ATXN3: variants seen among roughly 807,000 people sequenced by gnomAD.
ATXN3 encodes the protein ataxin-3.
A neutral mutation model predicts 58.2 loss-of-function variants in ATXN3; 28 were observed. The ratio of observed to expected loss-of-function variants is 0.48; its 90% CI spans 0.36 to 0.66. The LOEUF (loss-of-function observed/expected upper bound fraction) is 0.66. Among genes scored for constraint, ATXN3 ranks in the 30% least tolerant of loss-of-function variants. The pLI is 0.00. For synonymous variants in ATXN3, 113 were observed against 138.5 expected (o/e 0.82, Z 1.29); for missense variants, 321 against 422.1 (o/e 0.76, Z 2.10).
intron 1 of ATXN3, among the ~76,000 whole-genome samples, chr14:92,103,520 C>T (rs139337731): frequency 2.7e-4 from 41 of 152,228 alleles, no homozygotes; most frequent in African/African-American, 8.4e-4. Flanking sequence ...ACTACAGCCT[C>T]GACCTCCCAG....
intron 9 of ATXN3, among the ~76,000 whole-genome samples, chr14:92,076,725 A>G (rs929287224): frequency 5.3e-5 from 8 of 152,106 alleles, no homozygotes; most frequent in Admixed American, 3.9e-4. Flanking sequence ...AGATTGCCTG[A>G]GCTCAGGAGT....
chr14:92,097,400 G>T (rs1370051063), intron 1 of ATXN3, among the ~76,000 whole-genome samples: 9 of 150,242 alleles, frequency 6.0e-5, no homozygotes, highest in Non-Finnish European at 7.4e-5. Context: ...GCTAATTTTT[G>T]TATTTTTAGT....
chr14:92,076,939 C>CAAAAAAA (rs1157708694), intron 9 of ATXN3, among the ~76,000 whole-genome samples: 2,617 of 59,512 alleles, frequency 0.044, 238 homozygotes, highest in African/African-American at 0.12. Context: ...GATTTCGTCT[C>CAAAAAAA]AAAAAAAAAA....
chr14:92,094,732 C>T (rs1166937791), intron 3 of ATXN3, among the ~76,000 whole-genome samples: 1 of 152,200 alleles, frequency 6.6e-6, no homozygotes, highest in African/African-American at 2.4e-5. Context: ...CCAGCAAAGA[C>T]AGAAATTGAG....
chr14:92,053,759 G>A (rs960991951), downstream of ATXN3, among the ~76,000 whole-genome samples: 64 of 151,706 alleles, frequency 4.2e-4, no homozygotes, highest in African/African-American at 1.3e-3. Context: ...TTGGCCTCCC[G>A]AAATGCTGGG....
chr14:92,080,955 A>T lies in ATXN3; in HGVS notation c.872+10T>A. ...AAACATGCTACTTTAACTTGTACCA[A>T]CTACTTTACTTTTCAAAGTAGGCTT... On this transcript the variant is annotated intron_variant, in intron 9 of 10. Transcript: ENST00000644486. The T allele has an allele frequency of 1.9e-6, 3 of 1,584,640 alleles. No homozygotes were observed. The highest frequency in any genetic ancestry group is 2.6e-6 in the Non-Finnish European group (3 of 1,153,642).
At chr14:92,045,829 G>A (rs1006164394) in intron 2 of ATXN3, among the ~76,000 whole-genome samples, 4 of 152,138 alleles carry the variant, frequency 2.6e-5, no homozygotes, top group Non-Finnish European at 2.9e-5. Context: ...AGTTTCAGTC[G>A]GTGAATAGGT....
intron 3 of ATXN3, among the ~76,000 whole-genome samples, chr14:92,094,231 C>A (rs955004627): frequency 2.0e-5 from 3 of 152,064 alleles, no homozygotes; most frequent in Non-Finnish European, 1.5e-5. Flanking sequence ...TGAGCCACCA[C>A]GCCCAGCCGG....
chr14:92,086,732 C>A (rs959715410), intron 6 of ATXN3, among the ~76,000 whole-genome samples: 1 of 151,042 alleles, frequency 6.6e-6, no homozygotes, highest in African/African-American at 2.4e-5. Flanking sequence ...GGGGAGGCAG[C>A]TGGAGTTTCA....
rs5810573 is a variant in ATXN3 at position 92,091,852 on chromosome 14, A to ATT, written c.387+1398_387+1399dup. On this transcript the variant is annotated intron_variant, in intron 5 of 10. Coordinates refer to ENST00000644486, the MANE Select transcript of ATXN3 (RefSeq NM_004993.6). ...GGCCATGCATCACCACGCCTAGCCAATTTTTTTTTCTTTCATTTTTTTTTT... is the reference window on the plus strand; with the variant it reads ...GGCCATGCATCACCACGCCTAGCCAATTTTTTTTTTTCTTTCATTTTTTTTTT... 2.9e-3 allele frequency among the ~76,000 whole-genome samples: 438 copies of ATT among 149,512 alleles called. 1 individual carries two copies. The highest frequency in any genetic ancestry group is 9.5e-3 in the African/African-American group (384 of 40,412).
At chr14:92,090,588 T>C (rs1444376300) in intron 5 of ATXN3, 2 of 152,194 alleles carry the variant, frequency 1.3e-5, no homozygotes, top group African/African-American at 4.8e-5. Context: ...AGAAAGAGTC[T>C]ATAGTGAAAA....
chr14:92,104,360 T>G (rs2067652623), intron 1 of ATXN3, among the ~76,000 whole-genome samples: 1 of 152,042 alleles, frequency 6.6e-6, no homozygotes, highest in African/African-American at 2.4e-5. Context: ...CAGGCTGGTC[T>G]CAAACTACTG....
chr14:92,105,533 T>C (rs2068080852), intron 1 of ATXN3, among the ~76,000 whole-genome samples: 2 of 152,234 alleles, frequency 1.3e-5, no homozygotes, highest in South Asian at 4.1e-4. Context: ...TAAATGATCA[T>C]TTATAAGTAT....
In ATXN3 at chr14:92,061,420, T is replaced by A. The variant is rs981790407; in HGVS notation, c.*2900A>T. 5 of 152,332 alleles carry A rather than the reference T, an allele frequency of 3.3e-5. No homozygotes were observed. The highest frequency in any genetic ancestry group is 1.2e-4 in the African/African-American group (5 of 41,582). The allele number at this position is 152,332 out of a possible 1,614,324, so 9.4% of individuals were successfully genotyped here. On this transcript the variant is annotated 3_prime_UTR_variant, in exon 11 of 11. Transcript: ENST00000644486. Reference sequence around the variant, plus strand: ...TGATGGTTTTAGATCAGAGATTAACTATTCTGAATTTTAAAAACATAAATT... The same window carrying A: ...TGATGGTTTTAGATCAGAGATTAACAATTCTGAATTTTAAAAACATAAATT...
chr14:92,093,867 C>A (rs759318772), intron 3 of ATXN3, 36 bp from the exon 4 acceptor site: 1 of 1,248,492 alleles, frequency 8.0e-7, no homozygotes, highest in Non-Finnish European at 1.2e-6. Context: ...ATAAGCTAAA[C>A]CACTCCATTC....
At chr14:92,076,659 G>A (rs2060440657) in intron 9 of ATXN3, among the ~76,000 whole-genome samples, 1 of 151,772 alleles carries the variant, frequency 6.6e-6, no homozygotes. Context: ...GACTCTGATG[G>A]CTGGGCGCGG....
chr14:92,071,038 CTGCTTT>C lies in ATXN3; in HGVS notation c.882_887del (p.Lys295_Gln296del). On this transcript the variant is annotated inframe_deletion, in exon 10 of 11. Coordinates refer to ENST00000644486, the MANE Select transcript of ATXN3 (RefSeq NM_004993.6). ...GCTGCTGCTGCTGCTGCTGCTGTTG[CTGCTTT>C]TGCTGCTGTCTGAAACATTCAAAAG... 1 of 1,610,064 alleles carries C rather than the reference CTGCTTT, an allele frequency of 6.2e-7. No homozygotes were observed. Among genetic ancestry groups the C allele is most frequent in the Non-Finnish European group, 8.5e-7 (1 of 1,178,884 alleles).
chr14:92,056,864 C>A (rs1002832695), downstream of ATXN3, among the ~76,000 whole-genome samples: 5 of 152,176 alleles, frequency 3.3e-5, no homozygotes, highest in African/African-American at 1.2e-4. Context: ...GCTGCATTCC[C>A]AGATGGTTAA....
chr14:92,085,629 G>T (rs918551859), intron 6 of ATXN3, among the ~76,000 whole-genome samples: 1 of 152,166 alleles, frequency 6.6e-6, no homozygotes. Context: ...CAGAGTACAA[G>T]AGTCACCCTT....
Sources: allele counts gnomAD v4.1 joint callset (sites outside exome capture counted in the v4.1 genomes callset), GRCh38; gene constraint gnomAD v4.1.1; transcripts MANE v1.5; gene names NCBI Gene and HGNC (gene_info 2026-07-23, HGNC 2026-07-21).